Variants in SATL1 observed in about 807,000 individuals in gnomAD.
SATL1 encodes spermidine/spermine N(1)-acetyltransferase-like protein 1.
SATL1 carries 47 observed loss-of-function variants against 51.8 expected under a neutral mutation model. The ratio of observed to expected loss-of-function variants is 0.91; its 90% CI spans 0.72 to 1.16. SATL1 has a LOEUF of 1.16. SATL1 is among the 50% of genes most tolerant of loss of function. The pLI, the probability that SATL1 is intolerant of heterozygous loss-of-function variation, is 0.00. For missense variants in SATL1, 520 were observed against 526.4 expected, an observed-to-expected ratio of 0.99 and a Z score of 0.12; for synonymous variants, 176 against 182.4, an observed-to-expected ratio of 0.97 and a Z score of 0.28.
At chrX:85,137,779 A>T (rs2147711516) in intron 2 of SATL1, among the ~76,000 whole-genome samples, 1 of 111,127 alleles carries the variant, frequency 9.0e-6, no homozygotes, top group Admixed American at 9.7e-5. Context: ...TCCTTCTGGT[A>T]TTCCCATTAT....
chrX:85,203,281 C>T (rs1194687603), intron 2 of SATL1, among the ~76,000 whole-genome samples: 1 of 111,229 alleles, frequency 9.0e-6, no homozygotes, highest in African/African-American at 3.3e-5. Flanking sequence ...AGGTCCCACC[C>T]AGTGAGGAAG....
intron 2 of SATL1, among the ~76,000 whole-genome samples, chrX:85,127,032 T>A (rs1287763959): frequency 3.6e-5 from 4 of 111,450 alleles, no homozygotes; most frequent in Non-Finnish European, 7.5e-5. Context: ...ATAATTTTAA[T>A]GTATTATTTT....
intron 2 of SATL1, among the ~76,000 whole-genome samples, chrX:85,133,437 G>A (rs1384983442): frequency 8.9e-6 from 1 of 112,361 alleles, no homozygotes; most frequent in Non-Finnish European, 1.9e-5. Context: ...AAGGCTCCAT[G>A]GGTGTGGGAC....
At chrX:85,183,277 T>C (rs1474111294) in intron 2 of SATL1, among the ~76,000 whole-genome samples, 1 of 110,236 alleles carries the variant, frequency 9.1e-6, no homozygotes, top group Non-Finnish European at 1.9e-5. Flanking sequence ...AGGATCTACT[T>C]TCATTCTTGT....
chrX:85,186,029 C>T (rs761611738), intron 2 of SATL1, among the ~76,000 whole-genome samples: 6 of 110,091 alleles, frequency 5.5e-5, no homozygotes, highest in Non-Finnish European at 9.5e-5. Context: ...CTTTAGTTAG[C>T]AGGTGATAAA....
Position 85,225,257 on chromosome X carries a change from C to A in SATL1, c.-434-931G>T, listed in dbSNP as rs1056571213. On this transcript the variant is annotated intron_variant, in intron 1 of 7. Coordinates refer to ENST00000644105, the MANE Select transcript of SATL1 (RefSeq NM_001367857.2). The stretch of plus-strand genomic sequence containing the variant: ...ACATTTTATAGAACAAATACACACA[C>A]ACAACTACAGATAAAACTAGGGAAA... 3.4e-4 allele frequency among the ~76,000 whole-genome samples: 38 copies of A among 111,535 alleles called. 6 individuals carry two copies. Among genetic ancestry groups the A allele is most frequent in the Admixed American group, 3.1e-3 (33 of 10,510 alleles).
At chrX:85,150,563 T>A (rs1926399434) in intron 2 of SATL1, among the ~76,000 whole-genome samples, 1 of 111,048 alleles carries the variant, frequency 9.0e-6, no homozygotes, top group Non-Finnish European at 1.9e-5. Context: ...GCAAAAATCC[T>A]CAATAAAATA....
At chrX:85,241,898 C>T (rs761199042) in intron 1 of SATL1, among the ~76,000 whole-genome samples, 1 of 111,352 alleles carries the variant, frequency 9.0e-6, no homozygotes, top group Non-Finnish European at 1.9e-5. Flanking sequence ...TGGGGAGAAT[C>T]GATTTGATAT....
intron 2 of SATL1, among the ~76,000 whole-genome samples, chrX:85,109,923 T>G (rs1402390509): frequency 3.6e-5 from 4 of 111,236 alleles, no homozygotes; most frequent in Non-Finnish European, 7.5e-5. Context: ...GGCAGGAGAA[T>G]CGCTTGAACC....
chrX:85,169,560 A>G (rs966973816), intron 2 of SATL1, among the ~76,000 whole-genome samples: 2 of 112,041 alleles, frequency 1.8e-5, no homozygotes, highest in East Asian at 5.6e-4. Context: ...TGCAAATTAA[A>G]ACCACAATGA....
intron 2 of SATL1, among the ~76,000 whole-genome samples, chrX:85,135,651 T>A (rs141884390): frequency 0.11 from 11,915 of 104,467 alleles, 1,093 homozygotes; most frequent in African/African-American, 0.25. Flanking sequence ...GGCTCACTAC[T>A]GCCTCGACCT....
intron 1 of SATL1, among the ~76,000 whole-genome samples, chrX:85,227,431 TA>T (rs1244063158): frequency 8.9e-6 from 1 of 111,816 alleles, no homozygotes; most frequent in African/African-American, 3.2e-5. Context: ...CCCAATCAAT[TA>T]ATAGATCTAA....
intron 2 of SATL1, among the ~76,000 whole-genome samples, chrX:85,126,255 C>T (rs769458143): frequency 3.6e-5 from 4 of 111,412 alleles, no homozygotes; most frequent in Non-Finnish European, 5.7e-5. Context: ...CATTTGGTCT[C>T]CCTAGCTTCA....
chrX:85,170,103 C>G (rs1429935366), intron 2 of SATL1, among the ~76,000 whole-genome samples: 1 of 110,431 alleles, frequency 9.1e-6, no homozygotes, highest in Non-Finnish European at 1.9e-5. Flanking sequence ...TAGAGGGGAA[C>G]AATAGATACT....
At chrX:85,130,624 G>A (rs1200688013) in intron 2 of SATL1, among the ~76,000 whole-genome samples, 1 of 111,355 alleles carries the variant, frequency 9.0e-6, no homozygotes, top group African/African-American at 3.3e-5. Flanking sequence ...TTTTTTGAAG[G>A]TTTTTTTGTG....
At chrX:85,121,923 T>G (rs755193010) in intron 2 of SATL1, among the ~76,000 whole-genome samples, 1 of 110,093 alleles carries the variant, frequency 9.1e-6, no homozygotes, top group Non-Finnish European at 1.9e-5. Flanking sequence ...TTAATTAGCA[T>G]GATTTAATCA....
intron 2 of SATL1, among the ~76,000 whole-genome samples, chrX:85,139,962 A>G (rs1926069239): frequency 9.0e-6 from 1 of 111,676 alleles, no homozygotes; most frequent in Admixed American, 9.5e-5. Context: ...CCAGAACATT[A>G]TTAGCACCCC....
intron 1 of SATL1, among the ~76,000 whole-genome samples, chrX:85,241,923 G>C (rs1449308311): frequency 8.9e-6 from 1 of 111,831 alleles, no homozygotes; most frequent in Non-Finnish European, 1.9e-5. Flanking sequence ...TTCTGATTTT[G>C]TCATTTTTGA....
chrX:85,204,567 T>C (rs1467113257), intron 2 of SATL1, among the ~76,000 whole-genome samples: 1 of 112,189 alleles, frequency 8.9e-6, no homozygotes, highest in Non-Finnish European at 1.9e-5. Context: ...TAGGGTTCTG[T>C]GAGTCACTAT....
Sources: allele counts gnomAD v4.1 joint callset (sites outside exome capture counted in the v4.1 genomes callset), GRCh38; gene constraint gnomAD v4.1.1; transcripts MANE v1.5; gene names NCBI Gene and HGNC (gene_info 2026-07-23, HGNC 2026-07-21).